Variants in ARHGEF1 observed in about 807,000 individuals in gnomAD.
ARHGEF1 encodes the protein Rho guanine nucleotide exchange factor 1.
In ARHGEF1, 40 loss-of-function variants were observed where a neutral mutation model predicts 119.7. The ratio of observed to expected loss-of-function variants is 0.33; its 90% confidence interval spans 0.26 to 0.44. The LOEUF is 0.44. Ranked by LOEUF, ARHGEF1 falls within the 20% of genes least tolerant of loss-of-function variation. The pLI is 1.00. For missense variants in ARHGEF1, 976 were observed against 1,268.3 expected (o/e 0.77, Z 3.50); for synonymous variants, 494 against 521.0 (o/e 0.95, Z 0.71).
chr19:41,884,411 G>T, intron 1 of ARHGEF1: 5 of 1,597,160 alleles, frequency 3.1e-6, no homozygotes, highest in Non-Finnish European at 3.4e-6. Flanking sequence ...CGACGCGGCG[G>T]CAGGGGTGGG....
At chr19:41,915,533 T>C (rs2074795693) in intron 18 of ARHGEF1, among the ~76,000 whole-genome samples, 1 of 151,962 alleles carries the variant, frequency 6.6e-6, no homozygotes, top group Admixed American at 6.6e-5. Context: ...TCTGTTTTAA[T>C]GTCTAGGGTC....
Position 41,905,394 on chromosome 19 carries a change from T to G in ARHGEF1, c.2336+133T>G. ...GTGAATGCATGTGTGTGCATACATG[T>G]GTGTCTGTACGCAAGTATGTGACTG... On this transcript the variant is annotated intron_variant, in intron 24 of 28. Coordinates refer to ENST00000354532, the MANE Select transcript of ARHGEF1 (RefSeq NM_004706.4). The surrounding 1 kb of genome is among the most constrained non-coding windows in gnomAD (Gnocchi z 6.4). The G allele has an allele frequency of 1.3e-6, 1 of 778,202 alleles. No homozygotes were observed. The highest frequency in any genetic ancestry group is 2.0e-6 in the Non-Finnish European group (1 of 487,944). The allele number at this position is 778,202 out of a possible 1,614,324, so 48.2% of individuals were successfully genotyped here.
At position 41,889,115 on chromosome 19, in the gene ARHGEF1, C is replaced by T. The variant is rs543844470; in HGVS notation, c.225+250C>T. On this transcript the variant is annotated intron_variant, in intron 4 of 28. Transcript: ENST00000354532. The surrounding 1 kb of genome is among the most constrained non-coding windows in gnomAD (Gnocchi z 4.0). ...GCAGGGTACACACGTCAGGACCCCG[C>T]GGAGCCACAGAGAGTCCAGCAGCCT... 12 of 415,804 alleles carry T rather than the reference C, an allele frequency of 2.9e-5. No homozygotes were observed. Among genetic ancestry groups the T allele is most frequent in the African/African-American group, 1.2e-4 (6 of 50,568 alleles). The allele number at this position is 415,804 out of a possible 1,614,324, so 25.8% of individuals were successfully genotyped here. A position where few individuals can be genotyped will look rare whatever the true frequency, so the allele number is the denominator to read the frequency against.
At chr19:41,901,601 C>G (rs971936270) in intron 14 of ARHGEF1, among the ~76,000 whole-genome samples, 3 of 152,124 alleles carry the variant, frequency 2.0e-5, no homozygotes, top group South Asian at 2.1e-4. Flanking sequence ...ACCAACATGC[C>G]TGGGCTAATT....
At chr19:41,885,667 G>A (rs2074283989) in intron 1 of ARHGEF1, among the ~76,000 whole-genome samples, 1 of 152,158 alleles carries the variant, frequency 6.6e-6, no homozygotes, top group African/African-American at 2.4e-5. Context: ...TCACTATGTT[G>A]GCCAGGATGG....
At chr19:41,909,781 T>C (rs2074742105), downstream of ARHGEF1, 6 of 1,429,920 alleles carry the variant, frequency 4.2e-6, no homozygotes, top group Non-Finnish European at 9.4e-7. The surrounding 1 kb of genome is among the most constrained non-coding windows in gnomAD (Gnocchi z 5.2). Flanking sequence ...AGCAGGAACC[T>C]GCCCCAGGAT....
downstream of ARHGEF1, among the ~76,000 whole-genome samples, chr19:41,911,447 C>T (rs142087827): frequency 7.0e-4 from 106 of 152,306 alleles, 1 homozygote; most frequent in African/African-American, 2.4e-3. Flanking sequence ...TGTCCACTTG[C>T]TGTGTGATTA....
Position 41,907,358 on chromosome 19 carries a change from G to A in ARHGEF1, c.*271G>A. On this transcript the variant is annotated 3_prime_UTR_variant, in exon 29 of 29. Transcript: ENST00000354532. ...CCGGGCCATCTCAGTATTGCCTGTG[G>A]GGGCCACCCCTCCACCCCCACCCCC... The A allele has an allele frequency of 1.3e-6, 2 of 1,535,186 alleles. No homozygotes were observed. The highest frequency in any genetic ancestry group is 1.7e-6 in the Non-Finnish European group (2 of 1,146,544).
downstream of ARHGEF1, among the ~76,000 whole-genome samples, chr19:41,911,542 A>G (rs1555851254): frequency 6.6e-6 from 1 of 152,208 alleles, no homozygotes; most frequent in African/African-American, 2.4e-5. Flanking sequence ...TGCCTGGTGT[A>G]GAAAAGTGGG....
At chr19:41,920,526 CATG>C (rs1475163493), upstream of ARHGEF1, among the ~76,000 whole-genome samples, 2 of 151,410 alleles carry the variant, frequency 1.3e-5, no homozygotes, top group South Asian at 2.2e-4. Flanking sequence ...CGCTCACAGA[CATG>C]ATGCACTCAC....
Position 41,895,398 on chromosome 19 carries a change from T to C in ARHGEF1, c.927T>C (p.Ser309=). The C allele has an allele frequency of 6.2e-7, 1 of 1,612,514 alleles. No individual in the cohort carries two copies. The highest frequency in any genetic ancestry group is 8.5e-7 in the Non-Finnish European group (1 of 1,179,468). The change falls in exon 12 of 29, where the codon TCT becomes TCC. Residue 309 remains serine, a synonymous_variant. Coordinates refer to ENST00000354532, the MANE Select transcript of ARHGEF1 (RefSeq NM_004706.4). ...TDRKGGVGMP[S]RDRNIGAPGQ... ...GGAAGGGAGGCGTGGGGATGCCCTC[T>C]CGGGACCGGAATATCGGGGCTCCTG...
At chr19:41,909,770 C>T (rs1248537344), downstream of ARHGEF1, 1 of 1,380,354 alleles carries the variant, frequency 7.2e-7, no homozygotes, top group Non-Finnish European at 9.7e-7. The surrounding 1 kb of genome is among the most constrained non-coding windows in gnomAD (Gnocchi z 5.2). Flanking sequence ...TTGTGGGATC[C>T]AGCAGGAACC....
chr19:41,902,114 G>T lies in ARHGEF1; in HGVS notation c.1414+81G>T. 6.3e-7 allele frequency: 1 copy of T among 1,579,216 alleles called. No homozygotes were observed. Among genetic ancestry groups the T allele is most frequent in the South Asian group, 1.2e-5 (1 of 86,652 alleles). On this transcript the variant is annotated intron_variant, in intron 15 of 28. Transcript: ENST00000354532. The surrounding 1 kb of genome is among the most constrained non-coding windows in gnomAD (Gnocchi z 6.5). ...CTCTAGCCCTGGGTTCAACCTGCTC[G>T]GGAACCCCAGGGTTCACATGGGGTG...
At chr19:41,918,617 C>T (rs1231685502), upstream of ARHGEF1, among the ~76,000 whole-genome samples, 1 of 142,096 alleles carries the variant, frequency 7.0e-6, no homozygotes, top group Non-Finnish European at 1.5e-5. Context: ...AAACCACACA[C>T]ACCACATCAC....
intron 1 of ARHGEF1, among the ~76,000 whole-genome samples, chr19:41,926,699 G>A (rs1568837639): frequency 2.6e-5 from 4 of 152,102 alleles, no homozygotes; most frequent in Non-Finnish European, 5.9e-5. Flanking sequence ...CGTCTGGGCC[G>A]CGGCGGCCGG....
chr19:41,909,122 G>A, downstream of ARHGEF1: 2 of 1,231,956 alleles, frequency 1.6e-6, no homozygotes, highest in Non-Finnish European at 2.0e-6. This position sits in a 1 kb window ranked among gnomAD's most constrained non-coding sequence, Gnocchi z 5.2. Flanking sequence ...GGTGAACAGG[G>A]GTGTCCGGGC....
chr19:41,910,021 G>A, downstream of ARHGEF1: 1 of 1,613,690 alleles, frequency 6.2e-7, no homozygotes, highest in Non-Finnish European at 8.5e-7. The surrounding 1 kb of genome is among the most constrained non-coding windows in gnomAD (Gnocchi z 4.4). Context: ...GCAGCTCCAG[G>A]ATAAAGTGCC....
intron 1 of ARHGEF1, among the ~76,000 whole-genome samples, chr19:41,885,792 G>A (rs1004579472): frequency 9.4e-5 from 14 of 148,396 alleles, no homozygotes; most frequent in Admixed American, 6.7e-4. Flanking sequence ...TCACTCTGTC[G>A]CCCAGGCTGG....
downstream of ARHGEF1, chr19:41,907,853 T>C (rs1296008215): frequency 7.1e-6 from 1 of 141,050 alleles, no homozygotes; most frequent in Non-Finnish European, 1.4e-5. Context: ...GGGGCCTATA[T>C]GGGGGGGGTG....
Sources: allele counts gnomAD v4.1 joint callset (sites outside exome capture counted in the v4.1 genomes callset), GRCh38; gene constraint gnomAD v4.1.1; non-coding constraint Gnocchi (gnomAD v3.1); transcripts MANE v1.5; gene names NCBI Gene and HGNC (gene_info 2026-07-23, HGNC 2026-07-21).